The following SLC12A1 variants were observed in gnomAD, a reference collection of about 807,000 sequenced individuals.
SLC12A1 encodes solute carrier family 12 member 1, also known as Na-K-2Cl cotransporter.
SLC12A1 carries 89 observed loss-of-function variants against 130.4 expected under a neutral mutation model. The ratio of observed to expected loss-of-function variants is 0.68; its 90% CI spans 0.58 to 0.81. The LOEUF (loss-of-function observed/expected upper bound fraction) is 0.81. Ranked by LOEUF, SLC12A1 falls within the 40% of genes least tolerant of loss-of-function variation. The pLI is 0.00. For missense variants in SLC12A1, 1,310 were observed against 1,336.4 expected, an observed-to-expected ratio of 0.98 and a Z score of 0.31; for synonymous variants, 499 against 460.0, an observed-to-expected ratio of 1.08 and a Z score of -1.09.
At chr15:48,236,719 C>T (rs913007653) in intron 9 of SLC12A1, among the ~76,000 whole-genome samples, 2 of 152,052 alleles carry the variant, frequency 1.3e-5, no homozygotes, top group Admixed American at 6.6e-5. Context: ...AAATATTATG[C>T]TGAAGTGCAG....
At chr15:48,244,221 T>C (rs2041551269) in intron 10 of SLC12A1, among the ~76,000 whole-genome samples, 1 of 152,192 alleles carries the variant, frequency 6.6e-6, no homozygotes, top group Non-Finnish European at 1.5e-5. Flanking sequence ...CTAAAACATT[T>C]CCTTCATTGT....
At chr15:48,301,878 G>A (rs149482368) in intron 26 of SLC12A1, among the ~76,000 whole-genome samples, 14 of 152,260 alleles carry the variant, frequency 9.2e-5, no homozygotes, top group East Asian at 5.8e-4. Context: ...TTAGGGTTGC[G>A]TCTACTGAAA....
chr15:48,252,621 C>T (rs1192657772), intron 15 of SLC12A1, among the ~76,000 whole-genome samples: 1 of 151,972 alleles, frequency 6.6e-6, no homozygotes, highest in Non-Finnish European at 1.5e-5. Context: ...TTTTTGGTTC[C>T]TAACTTATGT....
At chr15:48,285,639 T>C (rs573414443) in intron 21 of SLC12A1, among the ~76,000 whole-genome samples, 1 of 152,316 alleles carries the variant, frequency 6.6e-6, no homozygotes, top group Non-Finnish European at 1.5e-5. Flanking sequence ...GGAACTGAAA[T>C]ACGACTAGTA....
chr15:48,218,386 A>C (rs1239736816), intron 2 of SLC12A1, among the ~76,000 whole-genome samples: 1 of 152,114 alleles, frequency 6.6e-6, no homozygotes, highest in Non-Finnish European at 1.5e-5. Context: ...AGGAAAAGCA[A>C]ATAAATAAAA....
chr15:48,244,607 G>A (rs956939918), intron 10 of SLC12A1, 146 bp from the exon 11 acceptor site: 1 of 720,980 alleles, frequency 1.4e-6, no homozygotes, highest in South Asian at 2.0e-5. Context: ...CAGCAGATGG[G>A]AGCCTCCAGT....
intron 24 of SLC12A1, 57 bp from the exon 25 acceptor site, chr15:48,299,083 T>C: frequency 2.0e-6 from 3 of 1,484,048 alleles, no homozygotes; most frequent in Non-Finnish European, 1.8e-6. Context: ...CTGGAGTATC[T>C]GTGAAATAAT....
At chr15:48,220,178 G>GATAA (rs972488669) in intron 2 of SLC12A1, among the ~76,000 whole-genome samples, 2 of 146,614 alleles carry the variant, frequency 1.4e-5, no homozygotes, top group Admixed American at 1.3e-4. Context: ...TAGATAGATA[G>GATAA]ATAGATAAAA....
At chr15:48,268,381 A>T (rs1423187939) in intron 18 of SLC12A1, among the ~76,000 whole-genome samples, 1 of 152,150 alleles carries the variant, frequency 6.6e-6, no homozygotes, top group East Asian at 1.9e-4. Context: ...GAAATTGTAG[A>T]GCTTGGCTTT....
chr15:48,254,607 A>ACCC (rs1301176952), intron 15 of SLC12A1, among the ~76,000 whole-genome samples: 1 of 89,450 alleles, frequency 1.1e-5, no homozygotes, highest in East Asian at 6.8e-4. Flanking sequence ...AAAAAAAAAA[A>ACCC]AAAAAAAAAA....
At chr15:48,244,988 CTGAT>C (rs1254983713) in intron 11 of SLC12A1, 84 bp downstream of exon 11, 164 of 1,253,292 alleles carry the variant, frequency 1.3e-4, no homozygotes, top group Middle Eastern at 3.8e-4. Flanking sequence ...GAATCTGCAA[CTGAT>C]TGATTATTGG....
intron 14 of SLC12A1, 137 bp downstream of exon 14, chr15:48,249,813 A>G: frequency 1.5e-6 from 1 of 654,308 alleles, no homozygotes; most frequent in East Asian, 2.7e-5. Flanking sequence ...AATCCACTTT[A>G]TTTTGGTGAG....
intron 24 of SLC12A1, among the ~76,000 whole-genome samples, chr15:48,294,933 C>A (rs971802377): frequency 2.4e-5 from 2 of 83,372 alleles, no homozygotes; most frequent in Non-Finnish European, 4.3e-5. Flanking sequence ...ATTTTTAAGA[C>A]AGGGTCTCAC....
chr15:48,239,405 T>C (rs889782326), intron 9 of SLC12A1, among the ~76,000 whole-genome samples: 1 of 151,824 alleles, frequency 6.6e-6, no homozygotes, highest in Non-Finnish European at 1.5e-5. Context: ...TCCCACCTAC[T>C]TGGAAGGCTG....
chr15:48,220,154 G>C (rs2041189579), intron 2 of SLC12A1, among the ~76,000 whole-genome samples: 1 of 149,394 alleles, frequency 6.7e-6, no homozygotes, highest in South Asian at 2.1e-4. Flanking sequence ...TAGATAGATA[G>C]ATAGATAGAT....
chr15:48,274,760 A>G (rs1009425509), intron 20 of SLC12A1, 107 bp downstream of exon 20: 11 of 668,886 alleles, frequency 1.6e-5, no homozygotes, highest in Non-Finnish European at 1.5e-5. Context: ...ACTCCTTGAC[A>G]GTGGAGCTTA....
intron 9 of SLC12A1, among the ~76,000 whole-genome samples, chr15:48,238,628 G>A (rs1434404572): frequency 6.6e-6 from 1 of 152,128 alleles, no homozygotes; most frequent in Non-Finnish European, 1.5e-5. Flanking sequence ...GTTGGGAAAT[G>A]GGGAGGAAAC....
At chr15:48,298,621 G>C (rs926044944) in intron 24 of SLC12A1, among the ~76,000 whole-genome samples, 16 of 152,342 alleles carry the variant, frequency 1.1e-4, no homozygotes, top group African/African-American at 3.8e-4. Context: ...AGCCCTTGCT[G>C]TTCTCCTCCT....
intron 5 of SLC12A1, chr15:48,228,698 T>G (rs1252128784): frequency 5.1e-6 from 1 of 194,480 alleles, no homozygotes. Context: ...TATTAGGAAA[T>G]TGTATATATG....
Sources: allele counts gnomAD v4.1 joint callset (sites outside exome capture counted in the v4.1 genomes callset), GRCh38; gene constraint gnomAD v4.1.1; transcripts MANE v1.5; gene names NCBI Gene and HGNC (gene_info 2026-07-23, HGNC 2026-07-21).